The following ADCY8 variants were observed in gnomAD, a reference collection of about 807,000 sequenced individuals.
ADCY8 encodes adenylate cyclase type 8.
A neutral mutation model predicts 119.7 loss-of-function variants in ADCY8; 51 were observed. The ratio of observed to expected loss-of-function variants is 0.43; its 90% CI spans 0.34 to 0.54. ADCY8 has a LOEUF of 0.54. ADCY8 is among the 20% of genes least tolerant of loss of function. The pLI is 0.03. For synonymous variants in ADCY8, 665 were observed against 651.0 expected (o/e 1.02, Z -0.33); for missense variants, 1,383 against 1,598.8 (o/e 0.87, Z 2.30).
At chr8:130,892,860 C>T (rs1819236185) in intron 7 of ADCY8, 1 of 152,072 alleles carries the variant, frequency 6.6e-6, no homozygotes, top group Admixed American at 6.6e-5. Flanking sequence ...AGATTTTGTC[C>T]CTTAGAGCTG....
chr8:130,997,659 T>C (rs1041727919), intron 1 of ADCY8, among the ~76,000 whole-genome samples: 11 of 152,204 alleles, frequency 7.2e-5, no homozygotes, highest in Non-Finnish European at 1.5e-4. Context: ...AGTGTTTGGG[T>C]TTTAGTATCT....
chr8:130,830,634 A>G (rs971959045), intron 12 of ADCY8, among the ~76,000 whole-genome samples: 11 of 152,142 alleles, frequency 7.2e-5, no homozygotes, highest in African/African-American at 2.7e-4. Context: ...GAGGTGATGA[A>G]CCTTGGGTAT....
chr8:130,869,484 T>G (rs1818246744), intron 8 of ADCY8, among the ~76,000 whole-genome samples: 1 of 146,606 alleles, frequency 6.8e-6, no homozygotes, highest in Admixed American at 6.8e-5. Flanking sequence ...ATCCTTGGCT[T>G]ACTGTTTTTT....
intron 8 of ADCY8, among the ~76,000 whole-genome samples, chr8:130,871,920 G>A (rs1345088721): frequency 2.6e-5 from 4 of 151,844 alleles, no homozygotes; most frequent in African/African-American, 4.8e-5. Flanking sequence ...CTGAGCCCTT[G>A]GTCTACAAGA....
At chr8:130,899,561 G>A (rs537627636) in intron 7 of ADCY8, among the ~76,000 whole-genome samples, 3 of 151,954 alleles carry the variant, frequency 2.0e-5, no homozygotes, top group Middle Eastern at 3.4e-3. Context: ...AGCCGAGATC[G>A]TGCCATTGCA....
chr8:130,815,330 CT>C (rs1194429349), intron 13 of ADCY8, among the ~76,000 whole-genome samples: 1 of 152,170 alleles, frequency 6.6e-6, no homozygotes, highest in Non-Finnish European at 1.5e-5. Context: ...TACGAATACA[CT>C]TACCACGTAG....
intron 1 of ADCY8, among the ~76,000 whole-genome samples, chr8:131,022,046 T>C (rs1823686192): frequency 6.6e-6 from 1 of 152,224 alleles, no homozygotes; most frequent in Admixed American, 6.5e-5. Context: ...TGGGTAAAAA[T>C]AAATGCTTGG....
At chr8:130,927,388 C>G (rs1820504054) in intron 5 of ADCY8, among the ~76,000 whole-genome samples, 1 of 152,070 alleles carries the variant, frequency 6.6e-6, no homozygotes, top group Non-Finnish European at 1.5e-5. Flanking sequence ...GCTTGTATAC[C>G]TTCTTTTGAG....
chr8:131,034,856 T>G (rs1269115380), intron 1 of ADCY8, among the ~76,000 whole-genome samples: 2 of 152,168 alleles, frequency 1.3e-5, no homozygotes, highest in African/African-American at 2.4e-5. Context: ...AGTTTTCCAG[T>G]AACTAAATGA....
chr8:130,886,350 G>A (rs1818983128), intron 7 of ADCY8, among the ~76,000 whole-genome samples: 1 of 152,044 alleles, frequency 6.6e-6, no homozygotes, highest in Non-Finnish European at 1.5e-5. Flanking sequence ...ATGTTAGGGG[G>A]TGGCATGTTA....
At chr8:130,955,850 A>G (rs1335963827) in intron 2 of ADCY8, among the ~76,000 whole-genome samples, 1 of 152,200 alleles carries the variant, frequency 6.6e-6, no homozygotes, top group Admixed American at 6.5e-5. Flanking sequence ...CTGAAGTTAA[A>G]TGTGTAGAGC....
chr8:130,797,506 A>G (rs980971508), intron 15 of ADCY8, among the ~76,000 whole-genome samples: 1 of 152,218 alleles, frequency 6.6e-6, no homozygotes, highest in Admixed American at 6.5e-5. Context: ...TAATGAATTC[A>G]TTCCTTTAGC....
intron 13 of ADCY8, among the ~76,000 whole-genome samples, chr8:130,817,865 A>C (rs1030951586): frequency 1.3e-5 from 2 of 152,214 alleles, no homozygotes; most frequent in African/African-American, 4.8e-5. Context: ...CCAGCTAATA[A>C]ATTATGGAGA....
intron 12 of ADCY8, among the ~76,000 whole-genome samples, chr8:130,831,615 T>C (rs1176885157): frequency 6.6e-6 from 1 of 152,232 alleles, no homozygotes; most frequent in Non-Finnish European, 1.5e-5. Flanking sequence ...CCTATAAATG[T>C]TGACCTGTGT....
chr8:130,825,477 G>A (rs1000624860), intron 12 of ADCY8, among the ~76,000 whole-genome samples: 12 of 152,170 alleles, frequency 7.9e-5, no homozygotes, highest in African/African-American at 2.9e-4. Context: ...TGGGAAGTGT[G>A]CCCAAGTTCA....
chr8:130,834,932 A>G (rs1816941165), intron 12 of ADCY8, among the ~76,000 whole-genome samples: 2 of 152,266 alleles, frequency 1.3e-5, no homozygotes, highest in South Asian at 4.1e-4. Context: ...AGAGAGGAGA[A>G]TAATACTAGA....
intron 1 of ADCY8, among the ~76,000 whole-genome samples, chr8:131,004,717 A>G (rs1462695948): frequency 1.3e-5 from 2 of 152,154 alleles, no homozygotes; most frequent in Non-Finnish European, 1.5e-5. Flanking sequence ...AAACAAACAC[A>G]TATCCTGCCC....
chr8:131,005,285 C>T (rs1823079017), intron 1 of ADCY8, among the ~76,000 whole-genome samples: 2 of 152,130 alleles, frequency 1.3e-5, no homozygotes, highest in Non-Finnish European at 2.9e-5. Flanking sequence ...TTAGTATTTG[C>T]CTGATACACA....
In ADCY8 at chr8:130,903,877, G is replaced by A. The variant is rs878878621; in HGVS notation, c.1806C>T (p.Val602=). 6.2e-7 allele frequency: 1 copy of A among 1,614,086 alleles called. No individual in the cohort carries two copies. The highest frequency in any genetic ancestry group is 8.5e-7 in the Non-Finnish European group (1 of 1,180,022). Residue 602 remains valine, a synonymous_variant, in exon 7 of 18, where the codon GTC becomes GTT. Coordinates refer to ENST00000286355, the MANE Select transcript of ADCY8 (RefSeq NM_001115.3). ...DSLLSLPEDI[V]KESVSSSDRR... ...GGTCTGAGGAGCTCACTGACTCCTT[G>A]ACGATATCTTCAGGCAAGGACAGCA...
Sources: gnomAD v4.1 joint callset for allele counts (sites outside exome capture counted in the v4.1 genomes callset) on GRCh38, gnomAD v4.1.1 for gene constraint, MANE v1.5 for transcripts, NCBI Gene and HGNC (gene_info 2026-07-23, HGNC 2026-07-21) for gene names.